UNC80: variants seen among roughly 807,000 people sequenced by gnomAD.
UNC80 encodes the protein protein unc-80 homolog.
In UNC80, 164 loss-of-function variants were observed where a neutral mutation model predicts 384.6. The observed-to-expected ratio is 0.43, with a 90% confidence interval of 0.38 to 0.49. The LOEUF is 0.49. Ranked by LOEUF, UNC80 falls within the 20% of genes least tolerant of loss-of-function variation. The probability of loss-of-function intolerance (pLI) is 0.00; values close to 1 mark genes in which losing one functional copy is unlikely to be tolerated. For synonymous variants in UNC80, 1,486 were observed against 1,527.8 expected (o/e 0.97, Z 0.64); for missense variants, 3,330 against 4,143.0 (o/e 0.80, Z 5.39).
intron 31 of UNC80, among the ~76,000 whole-genome samples, chr2:209,915,455 G>A (rs1177606078): frequency 1.3e-5 from 2 of 151,572 alleles, no homozygotes; most frequent in Non-Finnish European, 2.9e-5. Flanking sequence ...ACGTGCACTG[G>A]GCTTTTTGGA....
Position 209,834,132 on chromosome 2 carries a change from A to T in UNC80, c.2906A>T (p.Glu969Val). 1 of 1,551,612 alleles carries T rather than the reference A, an allele frequency of 6.4e-7. No homozygotes were observed. The highest frequency in any genetic ancestry group is 1.2e-5 in the South Asian group (1 of 84,042). Residue 969 changes from glutamate to valine, a missense_variant, in exon 17 of 65, where the codon GAG becomes GTG. This residue lies in a region of UNC80 where 801 missense variants were observed against 950.8 expected (regional missense o/e 0.84). Coordinates refer to ENST00000673920, the MANE Select transcript of UNC80 (RefSeq NM_001371986.1). ...EKLAPGKKVEENEQESKPAGS... is the reference protein window; with the variant it reads ...EKLAPGKKVEVNEQESKPAGS... The stretch of plus-strand genomic sequence containing the variant: ...TTAGCACCAGGGAAAAAGGTGGAGG[A>T]GAATGAACAGGAATCTAAGCCTGCA...
At chr2:209,790,915 A>C (rs1166586778) in intron 6 of UNC80, among the ~76,000 whole-genome samples, 1 of 152,194 alleles carries the variant, frequency 6.6e-6, no homozygotes, top group East Asian at 1.9e-4. Flanking sequence ...GTCCTAGTTT[A>C]ATTAACAGGG....
At chr2:209,842,155 T>G (rs1419728804) in intron 20 of UNC80, among the ~76,000 whole-genome samples, 195 bp from the exon 21 acceptor site, 1 of 152,206 alleles carries the variant, frequency 6.6e-6, no homozygotes, top group Non-Finnish European at 1.5e-5. Context: ...CTCCTTTTAG[T>G]TACAGTGATG....
At chr2:209,985,709 G>A (rs2093273291) in intron 61 of UNC80, among the ~76,000 whole-genome samples, 1 of 152,158 alleles carries the variant, frequency 6.6e-6, no homozygotes, top group Non-Finnish European at 1.5e-5. Flanking sequence ...CCTCATTAGG[G>A]GTAAGGCTTC....
At chr2:209,880,313 AG>A (rs1363405449) in intron 24 of UNC80, among the ~76,000 whole-genome samples, 1 of 152,250 alleles carries the variant, frequency 6.6e-6, no homozygotes, top group Non-Finnish European at 1.5e-5. Flanking sequence ...GCAGAGCAAA[AG>A]AGAATATTTG....
At chr2:209,892,712 C>T (rs1184807522) in intron 26 of UNC80, among the ~76,000 whole-genome samples, 1 of 152,184 alleles carries the variant, frequency 6.6e-6, no homozygotes. Context: ...CATGAAATTG[C>T]ACTCGTAGTC....
Position 209,839,510 on chromosome 2 carries a change from G to A in UNC80, c.3250+80G>A. The A allele has an allele frequency of 6.9e-7, 1 of 1,441,016 alleles. No homozygotes were observed. The highest frequency in any genetic ancestry group is 9.5e-7 in the Non-Finnish European group (1 of 1,057,586). The allele number at this position is 1,441,016 out of a possible 1,614,324, so 89.3% of individuals were successfully genotyped here. A position where few individuals can be genotyped will look rare whatever the true frequency, so the allele number is the denominator to read the frequency against. On this transcript the variant is annotated intron_variant, in intron 19 of 64. Transcript: ENST00000673920. This position sits in a 1 kb window ranked among gnomAD's most constrained non-coding sequence, Gnocchi z 4.1. ...AGATCAACTCAGTGATGCATAGTAG[G>A]GCCGAAAAAGAAGACCTTCAAGTCA...
At chr2:209,929,674 G>A (rs886957350) in intron 36 of UNC80, among the ~76,000 whole-genome samples, 197 bp from the exon 37 acceptor site, 4 of 152,120 alleles carry the variant, frequency 2.6e-5, no homozygotes, top group Admixed American at 6.5e-5. Flanking sequence ...ACACTTTTTG[G>A]TAACCTGTTC....
Position 209,800,030 on chromosome 2 carries a change from T to G in UNC80, c.938+6171T>G, listed in dbSNP as rs547409077. 3.7e-3 allele frequency among the ~76,000 whole-genome samples: 568 copies of G among 152,324 alleles called. 1 individual carries two copies. The highest frequency in any genetic ancestry group is 5.9e-3 in the Non-Finnish European group (398 of 68,030). On this transcript the variant is annotated intron_variant, in intron 7 of 64. Coordinates refer to ENST00000673920, the MANE Select transcript of UNC80 (RefSeq NM_001371986.1). ...CATCAGAGATATTAGCCTGAAATTT[T>G]TTTTGTTGTGTCTCTTCCTGGTGTT...
chr2:209,884,855 C>T (rs552893997), intron 25 of UNC80, among the ~76,000 whole-genome samples: 67 of 151,710 alleles, frequency 4.4e-4, no homozygotes, highest in African/African-American at 1.6e-3. Flanking sequence ...AATGAGAACA[C>T]ATGGAAACAG....
At chr2:209,946,846 T>G (rs1477485844) in intron 47 of UNC80, among the ~76,000 whole-genome samples, 1 of 152,222 alleles carries the variant, frequency 6.6e-6, no homozygotes, top group East Asian at 1.9e-4. Flanking sequence ...ATATTTGCCC[T>G]GCACCTTAAG....
In UNC80 at chr2:209,996,272, C is replaced by A. The variant is rs1430808095; in HGVS notation, c.*677C>A. 6.6e-6 allele frequency: 1 copy of A among 152,176 alleles called. No homozygotes were observed. The highest frequency in any genetic ancestry group is 1.5e-5 in the Non-Finnish European group (1 of 68,034). The allele number at this position is 152,176 out of a possible 1,614,324, so 9.4% of individuals were successfully genotyped here. A position where few individuals can be genotyped will look rare whatever the true frequency, so the allele number is the denominator to read the frequency against. Reference sequence around the variant, plus strand: ...GCATAAGATCATCCCATTTCATAATCTATCACATTAGAATATTACAGAATA... The same window carrying A: ...GCATAAGATCATCCCATTTCATAATATATCACATTAGAATATTACAGAATA... On this transcript the variant is annotated 3_prime_UTR_variant, in exon 65 of 65. Coordinates refer to ENST00000673920, the MANE Select transcript of UNC80 (RefSeq NM_001371986.1).
At chr2:209,970,540 C>G (rs2092855022) in intron 53 of UNC80, among the ~76,000 whole-genome samples, 1 of 152,178 alleles carries the variant, frequency 6.6e-6, no homozygotes, top group Non-Finnish European at 1.5e-5. Context: ...CCTTTGAATT[C>G]ACAACTAAGT....
chr2:209,809,041 G>A (rs1226854299), intron 7 of UNC80: 1 of 403,490 alleles, frequency 2.5e-6, no homozygotes, highest in Non-Finnish European at 4.7e-6. Context: ...TTTCAAGGCG[G>A]CAGAACTGAC....
At chr2:209,922,492 T>C in intron 35 of UNC80, 109 bp downstream of exon 35, 1 of 1,262,604 alleles carries the variant, frequency 7.9e-7, no homozygotes, top group South Asian at 2.2e-5. Context: ...AAATAACTTG[T>C]CTCATGACTT....
intron 18 of UNC80, among the ~76,000 whole-genome samples, chr2:209,838,457 G>C (rs1482065924): frequency 6.6e-6 from 1 of 152,078 alleles, no homozygotes; most frequent in Non-Finnish European, 1.5e-5. Context: ...TTGTCCTACT[G>C]AGTTGTACTT....
At chr2:209,931,823 A>G (rs539355917) in intron 38 of UNC80, among the ~76,000 whole-genome samples, 1 of 152,320 alleles carries the variant, frequency 6.6e-6, no homozygotes, top group Non-Finnish European at 1.5e-5. Flanking sequence ...TGGCAAAGGA[A>G]AAAAATATGA....
intron 22 of UNC80, among the ~76,000 whole-genome samples, chr2:209,855,477 A>G (rs2082838660): frequency 6.6e-6 from 1 of 152,216 alleles, no homozygotes; most frequent in Non-Finnish European, 1.5e-5. Flanking sequence ...AAAATAAAAT[A>G]AAATGAAACA....
chr2:209,957,393 G>A (rs1023041358), intron 48 of UNC80, among the ~76,000 whole-genome samples: 1 of 152,080 alleles, frequency 6.6e-6, no homozygotes, highest in East Asian at 1.9e-4. Context: ...TCATTTTGAC[G>A]AGTCTATTAC....
Sources: allele counts gnomAD v4.1 joint callset (sites outside exome capture counted in the v4.1 genomes callset), GRCh38; gene constraint gnomAD v4.1.1; regional missense constraint gnomAD v4.1.1; non-coding constraint Gnocchi (gnomAD v3.1); transcripts MANE v1.5; gene names NCBI Gene and HGNC (gene_info 2026-07-23, HGNC 2026-07-21).